Variants in PDCL2 observed in about 807,000 individuals in gnomAD.
PDCL2 encodes phosducin like 2, also known as phosducin-like protein 2.
PDCL2 carries 23 observed loss-of-function variants against 30.3 expected under a neutral mutation model. The observed-to-expected ratio is 0.76, with a 90% CI of 0.55 to 1.08. The LOEUF (loss-of-function observed/expected upper bound fraction) is 1.08. Ranked by LOEUF, PDCL2 falls within the 50% of genes least tolerant of loss-of-function variation. The pLI is 0.00. For synonymous variants in PDCL2, 68 were observed against 86.2 expected, an observed-to-expected ratio of 0.79 and a Z score of 1.17; for missense variants, 243 against 282.3, an observed-to-expected ratio of 0.86 and a Z score of 1.00.
chr4:55,576,903 C>CTTT (rs34136307), intron 3 of PDCL2, among the ~76,000 whole-genome samples: 2 of 147,218 alleles, frequency 1.4e-5, no homozygotes, highest in African/African-American at 5.0e-5. Flanking sequence ...TTTCTCAGTC[C>CTTT]TTTTTTTTTT....
chr4:55,570,547 C>T (rs1372999511), intron 3 of PDCL2, among the ~76,000 whole-genome samples: 4 of 152,074 alleles, frequency 2.6e-5, no homozygotes, highest in Non-Finnish European at 5.9e-5. Flanking sequence ...TTCAGTTTCC[C>T]TAACTGTACA....
chr4:55,558,545 C>G (rs1732044361), intron 5 of PDCL2, among the ~76,000 whole-genome samples: 1 of 152,164 alleles, frequency 6.6e-6, no homozygotes, highest in Non-Finnish European at 1.5e-5. Flanking sequence ...ATTACCCAGT[C>G]TCAGGTATGT....
At chr4:55,582,658 C>T (rs1732754438) in intron 1 of PDCL2, among the ~76,000 whole-genome samples, 1 of 151,988 alleles carries the variant, frequency 6.6e-6, no homozygotes, top group Admixed American at 6.6e-5. Flanking sequence ...GCACAATGTG[C>T]AGGTTTGTTA....
intron 5 of PDCL2, among the ~76,000 whole-genome samples, chr4:55,560,380 G>A (rs1732102510): frequency 6.6e-6 from 1 of 152,228 alleles, no homozygotes; most frequent in African/African-American, 2.4e-5. Flanking sequence ...AGTCAAATGC[G>A]GGAGGATCAC....
At chr4:55,557,362 T>C (rs1731998391) in intron 5 of PDCL2, among the ~76,000 whole-genome samples, 1 of 152,166 alleles carries the variant, frequency 6.6e-6, no homozygotes, top group Admixed American at 6.5e-5. Flanking sequence ...CTGCATCAGG[T>C]GAGGGCCTTC....
intron 3 of PDCL2, among the ~76,000 whole-genome samples, chr4:55,575,004 G>A (rs1268103723): frequency 1.3e-5 from 2 of 152,178 alleles, no homozygotes; most frequent in East Asian, 3.8e-4. Flanking sequence ...CAAAGTGGCT[G>A]TACCATTTAC....
intron 4 of PDCL2, among the ~76,000 whole-genome samples, chr4:55,568,704 A>C (rs1732332293): frequency 6.6e-6 from 1 of 152,150 alleles, no homozygotes; most frequent in Non-Finnish European, 1.5e-5. Context: ...AACTGAAAAG[A>C]AACAGACACA....
At chr4:55,590,339 A>G (rs754818248) in intron 1 of PDCL2, among the ~76,000 whole-genome samples, 1 of 149,748 alleles carries the variant, frequency 6.7e-6, no homozygotes, top group Non-Finnish European at 1.5e-5. Context: ...TTAACTGTGT[A>G]TGGTGGCATG....
intron 1 of PDCL2, among the ~76,000 whole-genome samples, chr4:55,586,268 T>C (rs563740224): frequency 2.6e-5 from 4 of 152,348 alleles, no homozygotes; most frequent in African/African-American, 9.6e-5. Context: ...GTTAATTTTC[T>C]AAGATTTCCT....
intron 1 of PDCL2, among the ~76,000 whole-genome samples, chr4:55,585,827 G>C (rs1423088907): frequency 6.6e-6 from 1 of 152,012 alleles, no homozygotes; most frequent in African/African-American, 2.4e-5. Context: ...CAATCCATTG[G>C]CATGTAACTG....
chr4:55,558,341 CTGAG>C (rs1463218403), intron 5 of PDCL2, among the ~76,000 whole-genome samples: 1 of 152,128 alleles, frequency 6.6e-6, no homozygotes, highest in East Asian at 1.9e-4. Flanking sequence ...TCTCTTGATA[CTGAG>C]TGAGTTCTCA....
At chr4:55,591,520 G>A (rs1733000121) in intron 1 of PDCL2, among the ~76,000 whole-genome samples, 1 of 152,178 alleles carries the variant, frequency 6.6e-6, no homozygotes, top group African/African-American at 2.4e-5. Context: ...CCAGGTAGCT[G>A]GGGCTACAGG....
intron 3 of PDCL2, among the ~76,000 whole-genome samples, chr4:55,571,933 C>T (rs878938110): frequency 3.3e-5 from 5 of 151,702 alleles, no homozygotes; most frequent in African/African-American, 1.2e-4. Flanking sequence ...TTGTTTGCAC[C>T]GAGTATCTAA....
chr4:55,569,609 A>T, intron 4 of PDCL2, 109 bp downstream of exon 4: 1 of 634,406 alleles, frequency 1.6e-6, no homozygotes. Flanking sequence ...TGTGCAATAT[A>T]TAGTTGCTTT....
At chr4:55,574,447 C>T (rs189393964) in intron 3 of PDCL2, among the ~76,000 whole-genome samples, 3 of 152,260 alleles carry the variant, frequency 2.0e-5, no homozygotes, top group Admixed American at 6.5e-5. Context: ...AAATGTCCCA[C>T]GTGACCTTTC....
intron 2 of PDCL2, 58 bp from the exon 3 acceptor site, chr4:55,580,969 T>G: frequency 7.8e-7 from 1 of 1,276,996 alleles, no homozygotes; most frequent in Non-Finnish European, 1.0e-6. Context: ...TACTATACAG[T>G]CAATGTCTAG....
At chr4:55,577,356 C>T (rs1732596565) in intron 3 of PDCL2, among the ~76,000 whole-genome samples, 1 of 152,208 alleles carries the variant, frequency 6.6e-6, no homozygotes, top group South Asian at 2.1e-4. Flanking sequence ...CAGACCACAG[C>T]ACCATCATTT....
chr4:55,558,261 A>G (rs34658078), intron 5 of PDCL2, among the ~76,000 whole-genome samples: 51,267 of 151,902 alleles, frequency 0.34, 9,327 homozygotes, highest in East Asian at 0.58. Flanking sequence ...CTTGAACAAT[A>G]GTTCTTATAA....
Position 55,562,402 on chromosome 4 carries a change from A to G in PDCL2, c.571+2T>C. The G allele has an allele frequency of 7.2e-7, 1 of 1,392,316 alleles. No homozygotes were observed. The highest frequency in any genetic ancestry group is 9.4e-7 in the Non-Finnish European group (1 of 1,064,232). 86.2% of individuals were successfully genotyped at this position (1,392,316 alleles called of 1,614,324 possible). On this transcript the variant is annotated splice_donor_variant, in intron 5 of 5. Transcript: ENST00000295645. LOFTEE classifies it high-confidence loss of function. ...TTTTATAAACAAAATTTGTAACATTACCTTCCAGCTTGAGATTTATCCCTC... is the reference window on the plus strand; with the variant it reads ...TTTTATAAACAAAATTTGTAACATTGCCTTCCAGCTTGAGATTTATCCCTC...
Sources: gnomAD v4.1 joint callset for allele counts (sites outside exome capture counted in the v4.1 genomes callset) on GRCh38, gnomAD v4.1.1 for gene constraint, MANE v1.5 for transcripts, NCBI Gene and HGNC (gene_info 2026-07-23, HGNC 2026-07-21) for gene names.